The following PCDH19 variants were observed in gnomAD, a reference collection of about 807,000 sequenced individuals.
PCDH19 encodes the protein protocadherin 19.
Under a neutral mutation model 46.2 loss-of-function variants are expected in PCDH19, and 6 were observed. The ratio of observed to expected loss-of-function variants is 0.13; its 90% confidence interval spans 0.07 to 0.26. The LOEUF (loss-of-function observed/expected upper bound fraction) is 0.26, where lower values mean the gene tolerates loss of function less well. Among genes scored for constraint, PCDH19 ranks in the 10% least tolerant of loss-of-function variants. The pLI, the probability that PCDH19 is intolerant of heterozygous loss-of-function variation, is 1.00. For missense variants in PCDH19, 740 were observed against 972.3 expected (o/e 0.76, Z 3.18); for synonymous variants, 481 against 415.7 (o/e 1.16, Z -1.91).
intron 3 of PCDH19, among the ~76,000 whole-genome samples, chrX:100,365,611 G>C (rs1927046585): frequency 9.0e-6 from 1 of 111,346 alleles, no homozygotes; most frequent in African/African-American, 3.3e-5. Flanking sequence ...ATTCCCCTTT[G>C]GGCTCATGAA....
At chrX:100,353,287 G>A (rs1012692742) in intron 3 of PCDH19, among the ~76,000 whole-genome samples, 1 of 112,209 alleles carries the variant, frequency 8.9e-6, no homozygotes, top group African/African-American at 3.2e-5. Context: ...GGCTTTGCAG[G>A]AAAAGGATAA....
intron 5 of PCDH19, among the ~76,000 whole-genome samples, chrX:100,304,884 A>T (rs1166176531): frequency 2.7e-5 from 3 of 112,450 alleles, no homozygotes; most frequent in Non-Finnish European, 5.6e-5. Context: ...AAGAAAAAGA[A>T]TTTTAAAAAA....
intron 3 of PCDH19, among the ~76,000 whole-genome samples, chrX:100,396,747 GA>G: frequency 8.9e-6 from 1 of 112,328 alleles, no homozygotes; most frequent in Non-Finnish European, 1.9e-5. Context: ...TCCCCACTGG[GA>G]AACCGGCTGT....
At position 100,407,526 on chromosome X, in the gene PCDH19, C is replaced by T; in HGVS notation, c.1072G>A (p.Val358Ile). 1 of 1,211,493 alleles carries T rather than the reference C, an allele frequency of 8.3e-7. No homozygotes were observed. Among genetic ancestry groups the T allele is most frequent in the Non-Finnish European group, 1.1e-6 (1 of 895,589 alleles). The change falls in exon 1 of 6, where the codon GTC becomes ATC. Residue 358 changes from valine to isoleucine, a missense_variant. Transcript: ENST00000373034. Reference protein sequence around the residue: ...LLSVNSELVEVSESAPPGYVI... With the variant: ...LLSVNSELVEISESAPPGYVI... ...TAGCCCGGGGGGGCGCTCTCGCTGA[C>T]CTCCACAAGCTCACTGTTGACTGAC...
At chrX:100,358,960 A>G (rs965402167) in intron 3 of PCDH19, among the ~76,000 whole-genome samples, 2 of 112,341 alleles carry the variant, frequency 1.8e-5, no homozygotes, top group Non-Finnish European at 3.8e-5. Flanking sequence ...TCGCCCTACC[A>G]AACATGTAAC....
At chrX:100,377,867 C>T (rs772682756) in intron 3 of PCDH19, among the ~76,000 whole-genome samples, 4 of 111,682 alleles carry the variant, frequency 3.6e-5, no homozygotes, top group Non-Finnish European at 5.6e-5. Flanking sequence ...AAATAGGGTT[C>T]GATGTGATTG....
At chrX:100,383,574 G>A (rs1927621944) in intron 3 of PCDH19, among the ~76,000 whole-genome samples, 1 of 112,089 alleles carries the variant, frequency 8.9e-6, no homozygotes, top group Admixed American at 9.5e-5. Flanking sequence ...TAAATATACT[G>A]ATGACATTAG....
At chrX:100,321,230 G>A (rs1925466363) in intron 5 of PCDH19, among the ~76,000 whole-genome samples, 1 of 111,969 alleles carries the variant, frequency 8.9e-6, no homozygotes, top group African/African-American at 3.3e-5. Flanking sequence ...CTATAAACAT[G>A]TGTGTGCAAG....
rs778618689 is a variant in PCDH19, at chrX:100,407,352, G to T, written c.1246C>A (p.His416Asn). Residue 416 changes from histidine (H) to asparagine (N), a missense_variant, in exon 1 of 6, where the codon CAC (histidine) becomes AAC (asparagine). By Grantham distance (68) the His-to-Asn change is moderately conservative. Around this residue, in one of 5 missense-constraint regions of PCDH19, gnomAD observed 186 missense variants for 319.9 expected, o/e 0.58. Coordinates refer to ENST00000373034, the MANE Select transcript of PCDH19 (RefSeq NM_001184880.2). ...TGAATTGTGAGGTTGTATTGGTCGT[G>T]CTGCTCGCGGTCCAGCCGTCCGTCC... ...LVDGRLDREQ[H>N]DQYNLTIQAR... 24 of 1,212,275 alleles carry T rather than the reference G, an allele frequency of 2.0e-5. No homozygotes were observed. The South Asian group carries it at 3.7e-4, about 19-fold the overall frequency.
At chrX:100,332,541 C>A in intron 5 of PCDH19, among the ~76,000 whole-genome samples, 1 of 109,559 alleles carries the variant, frequency 9.1e-6, no homozygotes, top group African/African-American at 3.3e-5. Context: ...TGCTTGGTAT[C>A]AATCCCTTAA....
At chrX:100,382,201 C>G (rs1295655940) in intron 3 of PCDH19, among the ~76,000 whole-genome samples, 1 of 111,142 alleles carries the variant, frequency 9.0e-6, no homozygotes, top group Non-Finnish European at 1.9e-5. Context: ...AATATTATAA[C>G]AGATAACCAA....
At chrX:100,333,117 GGAA>G (rs1925932437) in intron 5 of PCDH19, among the ~76,000 whole-genome samples, 1 of 14,272 alleles carries the variant, frequency 7.0e-5, no homozygotes, top group South Asian at 0.012. Context: ...AGGGAGGGAA[GGAA>G]GGAAGGAAGG....
chrX:100,383,881 A>G (rs778997185), intron 3 of PCDH19, among the ~76,000 whole-genome samples: 3 of 112,041 alleles, frequency 2.7e-5, no homozygotes, highest in East Asian at 5.6e-4. Flanking sequence ...CAAACAGATC[A>G]GTGGAAAATA....
Position 100,295,669 on chromosome X carries a change from T to G in PCDH19, c.*608A>C, listed in dbSNP as rs1344800486. The G allele has an allele frequency of 2.7e-5, 3 of 112,379 alleles. No individual in the cohort carries two copies. The South Asian group carries it at 1.1e-3, about 42-fold the overall frequency. 9.3% of individuals were successfully genotyped at this position (112,379 alleles called of 1,213,427 possible). A position where few individuals can be genotyped will look rare whatever the true frequency, so the allele number is the denominator to read the frequency against. On this transcript the variant is annotated 3_prime_UTR_variant, in exon 6 of 6. Coordinates refer to ENST00000373034, the MANE Select transcript of PCDH19 (RefSeq NM_001184880.2). ...AAGCCTTTTGCCATCACCACACACA[T>G]AGCAATTTGCAATATCAAATACAAC...
chrX:100,386,296 C>T (rs1192481226), intron 3 of PCDH19, among the ~76,000 whole-genome samples: 1 of 111,403 alleles, frequency 9.0e-6, no homozygotes, highest in Non-Finnish European at 1.9e-5. Context: ...AGTTCAGAGT[C>T]AGGCCTTCAC....
intron 3 of PCDH19, among the ~76,000 whole-genome samples, chrX:100,362,350 A>T (rs990067318): frequency 2.7e-5 from 3 of 111,548 alleles, no homozygotes; most frequent in Non-Finnish European, 5.6e-5. Flanking sequence ...ACCAGTAGAA[A>T]CAGGTGTGGG....
At chrX:100,343,712 G>A (rs1000303215) in intron 4 of PCDH19, among the ~76,000 whole-genome samples, 3 of 111,722 alleles carry the variant, frequency 2.7e-5, no homozygotes, top group Admixed American at 9.5e-5. Flanking sequence ...TTCCCTAGTC[G>A]GTGAGGAAGC....
chrX:100,356,238 T>C (rs1569300620), intron 3 of PCDH19, among the ~76,000 whole-genome samples: 1 of 112,284 alleles, frequency 8.9e-6, no homozygotes, highest in Non-Finnish European at 1.9e-5. Context: ...TTAAAGTTTT[T>C]AACTCTTAAG....
intron 5 of PCDH19, among the ~76,000 whole-genome samples, chrX:100,301,727 T>C (rs1000373214): frequency 8.9e-6 from 1 of 112,077 alleles, no homozygotes; most frequent in Non-Finnish European, 1.9e-5. Flanking sequence ...TTAAAATTGG[T>C]CACATGTGCC....
Sources: gnomAD v4.1 joint callset for allele counts (sites outside exome capture counted in the v4.1 genomes callset) on GRCh38, gnomAD v4.1.1 for gene constraint, gnomAD v4.1.1 regional missense constraint, MANE v1.5 for transcripts, NCBI Gene and HGNC (gene_info 2026-07-23, HGNC 2026-07-21) for gene names.